Variants in CDC42BPA observed in about 807,000 individuals in gnomAD.
CDC42BPA encodes the protein CDC42 binding protein kinase alpha, also known as serine/threonine-protein kinase MRCK alpha.
In CDC42BPA, 80 loss-of-function variants were observed where a neutral mutation model predicts 223.5. The ratio of observed to expected loss-of-function variants is 0.36; its 90% CI spans 0.30 to 0.43. CDC42BPA has a LOEUF of 0.43. CDC42BPA is among the 20% of genes least tolerant of loss of function. The pLI is 1.00. For synonymous variants in CDC42BPA, 694 were observed against 718.6 expected (o/e 0.97, Z 0.55); for missense variants, 1,743 against 2,099.9 (o/e 0.83, Z 3.32).
intron 1 of CDC42BPA, among the ~76,000 whole-genome samples, chr1:227,311,010 C>T (rs1457851378): frequency 6.6e-6 from 1 of 151,968 alleles, no homozygotes; most frequent in Non-Finnish European, 1.5e-5. Flanking sequence ...TTATATACAA[C>T]AAAAAACTTG....
intron 24 of CDC42BPA, among the ~76,000 whole-genome samples, chr1:227,037,480 A>G (rs188839760): frequency 6.6e-6 from 1 of 152,332 alleles, no homozygotes; most frequent in African/African-American, 2.4e-5. Flanking sequence ...AAATACTGCA[A>G]TCTGGATCTT....
chr1:227,252,568 T>C (rs1401221943), intron 2 of CDC42BPA, among the ~76,000 whole-genome samples: 1 of 152,096 alleles, frequency 6.6e-6, no homozygotes, highest in Middle Eastern at 3.2e-3. Context: ...CAAAATCTGA[T>C]CAGAACATTC....
At chr1:227,165,488 C>A (rs1167421046) in intron 5 of CDC42BPA, among the ~76,000 whole-genome samples, 1 of 151,888 alleles carries the variant, frequency 6.6e-6, no homozygotes, top group Non-Finnish European at 1.5e-5. Context: ...CAAATTTGAG[C>A]CTATTATTAA....
chr1:227,174,353 GTA>G (rs1666603752), intron 5 of CDC42BPA, among the ~76,000 whole-genome samples: 1 of 152,102 alleles, frequency 6.6e-6, no homozygotes, highest in Non-Finnish European at 1.5e-5. Flanking sequence ...CTATCTCATT[GTA>G]AAAGTAATGA....
chr1:227,126,253 C>T (rs937477943), intron 11 of CDC42BPA, among the ~76,000 whole-genome samples: 3 of 152,156 alleles, frequency 2.0e-5, no homozygotes, highest in Admixed American at 1.3e-4. Context: ...AGGGGTGCCA[C>T]GTGCCACAAG....
intron 2 of CDC42BPA, among the ~76,000 whole-genome samples, chr1:227,233,184 C>T (rs1327015900): frequency 6.6e-6 from 1 of 152,142 alleles, no homozygotes; most frequent in Non-Finnish European, 1.5e-5. Context: ...CATCTTAGAA[C>T]CGCTATTTTT....
At chr1:227,193,722 T>C (rs1034717472) in intron 5 of CDC42BPA, 64 bp downstream of exon 5, 39 of 1,224,200 alleles carry the variant, frequency 3.2e-5, no homozygotes, top group African/African-American at 7.7e-5. Context: ...TGGCAAGAAA[T>C]AGGCCTCTGT....
chr1:227,037,874 T>C (rs1164782815), intron 24 of CDC42BPA, among the ~76,000 whole-genome samples: 3 of 152,184 alleles, frequency 2.0e-5, no homozygotes, highest in Non-Finnish European at 4.4e-5. Flanking sequence ...AGGATCTAGT[T>C]TGAGGCACTA....
chr1:227,214,212 C>CAAA (rs34522031), intron 2 of CDC42BPA, among the ~76,000 whole-genome samples: 1 of 122,320 alleles, frequency 8.2e-6, no homozygotes. Context: ...AATTCAAGTG[C>CAAA]AAAAAAAAAA....
In CDC42BPA at chr1:227,006,317, T is replaced by G. The variant is rs559026703; in HGVS notation, c.4858-1206A>C. On this transcript the variant is annotated intron_variant, in intron 34 of 36. Coordinates refer to ENST00000366766, the MANE Select transcript of CDC42BPA (RefSeq NM_001394014.1). Reference sequence around the variant, plus strand: ...GTCAGCCAGCCTCTCCTTCATTGGCTGTTTGTGAGGGTGTGCCATAAAGGC... The same window carrying G: ...GTCAGCCAGCCTCTCCTTCATTGGCGGTTTGTGAGGGTGTGCCATAAAGGC... 2.0e-5 allele frequency among the ~76,000 whole-genome samples: 3 copies of G among 152,310 alleles called. No individual in the cohort carries two copies. The East Asian group carries it at 5.8e-4, about 29-fold the overall frequency.
Position 226,991,965 on chromosome 1 carries a change from G to A in CDC42BPA, c.*2303C>T. The A allele has an allele frequency of 7.2e-6, 1 of 139,020 alleles. No individual in the cohort carries two copies. The highest frequency in any genetic ancestry group is 2.7e-5 in the African/African-American group (1 of 37,678). 8.6% of individuals were successfully genotyped at this position (139,020 alleles called of 1,614,324 possible). On this transcript the variant is annotated 3_prime_UTR_variant, in exon 37 of 37. Transcript: ENST00000366766. ...GGAAAGGGAAGAGGAGGATGGGGAGGGTGGGGATGGGGAGGGTGGGAAGAG... is the reference window on the plus strand; with the variant it reads ...GGAAAGGGAAGAGGAGGATGGGGAGAGTGGGGATGGGGAGGGTGGGAAGAG...
At chr1:227,059,239 G>T in intron 21 of CDC42BPA, 1 of 715,064 alleles carries the variant, frequency 1.4e-6, no homozygotes, top group South Asian at 1.9e-5. Context: ...AACAGCAGGA[G>T]CAGCAGCACA....
intron 2 of CDC42BPA, among the ~76,000 whole-genome samples, chr1:227,248,148 G>C (rs79871386): frequency 0.094 from 14,238 of 152,146 alleles, 843 homozygotes; most frequent in Middle Eastern, 0.17. Context: ...AGAGAAGGTA[G>C]AGAAAATAAG....
chr1:227,154,612 A>G (rs890075804), intron 6 of CDC42BPA, among the ~76,000 whole-genome samples: 3 of 152,106 alleles, frequency 2.0e-5, no homozygotes, highest in African/African-American at 7.2e-5. Flanking sequence ...AGTATCATTT[A>G]TAATACAGGT....
chr1:227,303,189 GA>G (rs1184998739), intron 1 of CDC42BPA, among the ~76,000 whole-genome samples: 1 of 152,144 alleles, frequency 6.6e-6, no homozygotes, highest in East Asian at 1.9e-4. Flanking sequence ...ATCCTTGGGT[GA>G]AACCCCCTGA....
In CDC42BPA at chr1:227,151,956, G is replaced by A. The variant is rs183017481; in HGVS notation, c.694-4397C>T. ...AAATCCCAACTACTCGGGTGGCTGA[G>A]GCAGGATAAGTGAGCCGAGATCACG... is the stretch of plus-strand genomic sequence containing the variant. On this transcript the variant is annotated intron_variant, in intron 6 of 36. Transcript: ENST00000366766. Among the ~76,000 whole-genome samples the A allele has an allele frequency of 5.2e-4, 78 of 151,388 alleles. 1 individual carries two copies. In the East Asian group the frequency reaches 6.2e-3, roughly 12 times the overall value.
chr1:227,317,635 G>GA lies in CDC42BPA; in HGVS notation c.-454_-453insT. The GA allele has an allele frequency of 2.5e-6, 1 of 398,086 alleles. No individual in the cohort carries two copies. The highest frequency in any genetic ancestry group is 4.4e-6 in the Non-Finnish European group (1 of 225,992). 24.7% of individuals were successfully genotyped at this position (398,086 alleles called of 1,614,324 possible). On this transcript the variant is annotated 5_prime_UTR_variant, in exon 1 of 37. It removes the in-frame stop codon of an upstream open reading frame in the 5' UTR. Coordinates refer to ENST00000366766, the MANE Select transcript of CDC42BPA (RefSeq NM_001394014.1). ...ATTTGCATCAGCAATTCACTTCCCG[G>GA]GAAGAAGAAAAACAGAAAAGGGAGG...
rs551083622 is a variant in CDC42BPA, at chr1:227,162,553, G to T, written c.600-1917C>A. 2.6e-5 allele frequency among the ~76,000 whole-genome samples: 4 copies of T among 152,320 alleles called. No homozygotes were observed. In the East Asian group the frequency reaches 7.7e-4, roughly 29 times the overall value. ...TATGCTTCATCAGCTGGGTGTGATA[G>T]TTCATGCCTATAATCCCAGCACTTT... On this transcript the variant is annotated intron_variant, in intron 5 of 36. Coordinates refer to ENST00000366766, the MANE Select transcript of CDC42BPA (RefSeq NM_001394014.1).
At chr1:227,078,488 T>C (rs1361296835) in intron 17 of CDC42BPA, among the ~76,000 whole-genome samples, 1 of 152,170 alleles carries the variant, frequency 6.6e-6, no homozygotes, top group Non-Finnish European at 1.5e-5. Context: ...TCTTATGGAC[T>C]AGCCTATTAA....
Sources: gnomAD v4.1 joint callset for allele counts (sites outside exome capture counted in the v4.1 genomes callset) on GRCh38, gnomAD v4.1.1 for gene constraint, MANE v1.5 for transcripts, NCBI Gene and HGNC (gene_info 2026-07-23, HGNC 2026-07-21) for gene names.